Variants in SLC2A13 observed in about 807,000 individuals in gnomAD.
The protein encoded by SLC2A13 is solute carrier family 2 member 13, also known as proton myo-inositol cotransporter.
Under a neutral mutation model 64.4 loss-of-function variants are expected in SLC2A13, and 32 were observed. The observed-to-expected ratio is 0.50, with a 90% CI of 0.37 to 0.67. The LOEUF is 0.67. Ranked by LOEUF, SLC2A13 falls within the 30% of genes least tolerant of loss-of-function variation. SLC2A13 has a pLI of 0.00. For missense variants in SLC2A13, 743 were observed against 829.2 expected (o/e 0.90, Z 1.28); for synonymous variants, 338 against 327.1 (o/e 1.03, Z -0.36).
At chr12:39,771,989 A>T (rs1940595775) in intron 7 of SLC2A13, among the ~76,000 whole-genome samples, 1 of 152,010 alleles carries the variant, frequency 6.6e-6, no homozygotes, top group Non-Finnish European at 1.5e-5. Context: ...ATCTACCATC[A>T]ATTCCTACCT....
rs147877618 is a variant in SLC2A13, at chr12:39,938,162, T to C, written c.1034+13095A>G. ...GGAGCAGAAGGAAAGTGAACACAGATGTAGTTGCTCCCATGGGCCTCAATC... is the reference window on the plus strand; with the variant it reads ...GGAGCAGAAGGAAAGTGAACACAGACGTAGTTGCTCCCATGGGCCTCAATC... On this transcript the variant is annotated intron_variant, in intron 4 of 9. Transcript: ENST00000280871. Among the ~76,000 whole-genome samples the C allele has an allele frequency of 4.2e-4, 64 of 152,230 alleles. 1 individual carries two copies. The East Asian group carries it at 0.012, about 28-fold the overall frequency.
intron 7 of SLC2A13, among the ~76,000 whole-genome samples, chr12:39,821,935 ATACTT>A (rs1199583552): frequency 2.6e-5 from 4 of 152,202 alleles, no homozygotes; most frequent in African/African-American, 9.7e-5. Context: ...TTTTATTATT[ATACTT>A]TAAGTTTTAG....
chr12:39,935,851 T>C (rs1416903248), intron 4 of SLC2A13, among the ~76,000 whole-genome samples: 3 of 152,180 alleles, frequency 2.0e-5, no homozygotes, highest in African/African-American at 7.2e-5. Flanking sequence ...TAGCAGGAGG[T>C]ACATGTACCT....
chr12:40,004,297 G>T (rs1023985237), intron 3 of SLC2A13, among the ~76,000 whole-genome samples: 1 of 151,970 alleles, frequency 6.6e-6, no homozygotes, highest in Non-Finnish European at 1.5e-5. Context: ...CAATTCCCCT[G>T]CCTCAACCTC....
At chr12:40,087,838 C>T (rs1331587130) in intron 1 of SLC2A13, among the ~76,000 whole-genome samples, 1 of 152,022 alleles carries the variant, frequency 6.6e-6, no homozygotes, top group East Asian at 1.9e-4. Flanking sequence ...ATAAAACTCA[C>T]TAGTATAAAT....
chr12:39,828,173 G>C (rs1318626776), intron 7 of SLC2A13, among the ~76,000 whole-genome samples: 1 of 152,000 alleles, frequency 6.6e-6, no homozygotes, highest in African/African-American at 2.4e-5. Context: ...CTCTTTTCTA[G>C]CCAAGACTAA....
At chr12:39,961,766 G>A (rs1380592871) in intron 3 of SLC2A13, among the ~76,000 whole-genome samples, 5 of 151,964 alleles carry the variant, frequency 3.3e-5, no homozygotes, top group East Asian at 1.9e-4. Context: ...CTCCCAAAGC[G>A]CTGTGATTAC....
At chr12:40,027,194 C>T (rs146224934) in intron 3 of SLC2A13, among the ~76,000 whole-genome samples, 4 of 152,092 alleles carry the variant, frequency 2.6e-5, no homozygotes, top group South Asian at 2.1e-4. Flanking sequence ...TTAAGGAACA[C>T]GATGTTTAAC....
At chr12:40,082,660 T>G (rs1248322027) in intron 1 of SLC2A13, among the ~76,000 whole-genome samples, 1 of 152,106 alleles carries the variant, frequency 6.6e-6, no homozygotes, top group African/African-American at 2.4e-5. Flanking sequence ...ACAGTGGGCC[T>G]TGAAGGATGA....
chr12:39,861,336 G>A (rs1943753596), intron 6 of SLC2A13, among the ~76,000 whole-genome samples: 1 of 152,162 alleles, frequency 6.6e-6, no homozygotes, highest in Non-Finnish European at 1.5e-5. Context: ...TAATCCTATG[G>A]TAGGTGATCC....
At chr12:39,777,986 AG>A (rs1940837549) in intron 7 of SLC2A13, among the ~76,000 whole-genome samples, 1 of 152,188 alleles carries the variant, frequency 6.6e-6, no homozygotes, top group African/African-American at 2.4e-5. Context: ...CTAAACTAAA[AG>A]AGCACCCTGT....
intron 7 of SLC2A13, among the ~76,000 whole-genome samples, chr12:39,774,540 C>A (rs559354064): frequency 6.7e-6 from 1 of 150,210 alleles, no homozygotes; most frequent in African/African-American, 2.4e-5. Context: ...AGTGTGGAGA[C>A]CATGTTGAAA....
At chr12:39,894,067 A>G (rs1021828708) in intron 4 of SLC2A13, among the ~76,000 whole-genome samples, 2 of 152,220 alleles carry the variant, frequency 1.3e-5, no homozygotes, top group African/African-American at 4.8e-5. Flanking sequence ...AATGTTCAAT[A>G]CATTTTAATA....
At chr12:39,997,065 C>T (rs771464009) in intron 3 of SLC2A13, among the ~76,000 whole-genome samples, 1 of 152,002 alleles carries the variant, frequency 6.6e-6, no homozygotes, top group Non-Finnish European at 1.5e-5. Context: ...CAAAAAAGAG[C>T]CCACAGAGCC....
chr12:39,944,393 T>C (rs1490211736), intron 4 of SLC2A13, among the ~76,000 whole-genome samples: 1 of 152,246 alleles, frequency 6.6e-6, no homozygotes, highest in Non-Finnish European at 1.5e-5. Flanking sequence ...ATCCACTGTT[T>C]CTTTGTTGAC....
At chr12:39,960,188 C>T (rs7974169) in intron 3 of SLC2A13, among the ~76,000 whole-genome samples, 29,362 of 152,096 alleles carry the variant, frequency 0.19, 3,226 homozygotes, top group Middle Eastern at 0.26. Flanking sequence ...CAGTACCTGA[C>T]ATTTTGGTTT....
chr12:39,829,424 T>TTTTTTTTTTG (rs1942793404), intron 7 of SLC2A13: 1 of 127,956 alleles, frequency 7.8e-6, no homozygotes, highest in African/African-American at 3.0e-5. Flanking sequence ...TTCTTTTTTT[T>TTTTTTTTTTG]GAGGCAGAGT....
chr12:39,856,471 C>A (rs1592210020), intron 6 of SLC2A13, among the ~76,000 whole-genome samples: 2 of 152,240 alleles, frequency 1.3e-5, no homozygotes, highest in East Asian at 3.9e-4. Flanking sequence ...CGGGCTCAAG[C>A]GTTTCTCCTG....
intron 6 of SLC2A13, among the ~76,000 whole-genome samples, chr12:39,833,442 T>C (rs1942917179): frequency 6.6e-6 from 1 of 152,030 alleles, no homozygotes; most frequent in African/African-American, 2.4e-5. Flanking sequence ...TCTCACTCAC[T>C]CCATGGCTCT....
Sources: gnomAD v4.1 joint callset for allele counts (sites outside exome capture counted in the v4.1 genomes callset) on GRCh38, gnomAD v4.1.1 for gene constraint, MANE v1.5 for transcripts, NCBI Gene and HGNC (gene_info 2026-07-23, HGNC 2026-07-21) for gene names.